Variants in ELAPOR2 observed in about 807,000 individuals in gnomAD.
ELAPOR2 encodes the protein endosome-lysosome associated apoptosis and autophagy regulator family member 2.
Under a neutral mutation model 120.7 loss-of-function variants are expected in ELAPOR2, and 89 were observed. The observed-to-expected ratio is 0.74, with a 90% CI of 0.62 to 0.88. ELAPOR2 has a LOEUF of 0.88. ELAPOR2 is among the 40% of genes least tolerant of loss of function. The probability of loss-of-function intolerance (pLI) is 0.00; values close to 1 mark genes in which losing one functional copy is unlikely to be tolerated. For missense variants in ELAPOR2, 1,134 were observed against 1,251.6 expected (o/e 0.91, Z 1.42); for synonymous variants, 444 against 444.9 (o/e 1.00, Z 0.03).
rs1795356693 is a variant in ELAPOR2 at position 87,059,242 on chromosome 7, GAAAT to G, written c.189+79_189+82del. 3 of 1,237,296 alleles carry G rather than the reference GAAAT, an allele frequency of 2.4e-6. No homozygotes were observed. In the African/African-American group the frequency reaches 4.7e-5, roughly 19 times the overall value. 76.6% of individuals were successfully genotyped at this position (1,237,296 alleles called of 1,614,324 possible). Reference sequence around the variant, plus strand: ...GCAAAGGAAAAGGGGATGGCAAACAGAAATAAACAGGAACCGCTCTCAGCCTTCA... The same window carrying G: ...GCAAAGGAAAAGGGGATGGCAAACAGAAACAGGAACCGCTCTCAGCCTTCA... On this transcript the variant is annotated intron_variant, in intron 1 of 21. Coordinates refer to ENST00000450689, the MANE Select transcript of ELAPOR2 (RefSeq NM_001142749.3).
chr7:86,912,859 C>G, intron 14 of ELAPOR2, 82 bp downstream of exon 14: 9 of 1,484,722 alleles, frequency 6.1e-6, no homozygotes, highest in Non-Finnish European at 8.3e-6. Context: ...TCATAGCTCC[C>G]AGAGAAACAT....
At chr7:86,953,093 C>CA (rs11351621) in intron 2 of ELAPOR2, among the ~76,000 whole-genome samples, 4,540 of 99,486 alleles carry the variant, frequency 0.046, 87 homozygotes, top group African/African-American at 0.073. Context: ...AAGCCTCTGT[C>CA]AAAAAAAAAA....
intron 1 of ELAPOR2, among the ~76,000 whole-genome samples, chr7:87,049,077 A>G (rs1407813365): frequency 3.3e-5 from 5 of 152,200 alleles, no homozygotes; most frequent in Non-Finnish European, 7.3e-5. Flanking sequence ...TTGAACATCT[A>G]CTAAGTGCCA....
intron 19 of ELAPOR2, among the ~76,000 whole-genome samples, chr7:86,894,214 G>T (rs1788330464): frequency 6.6e-6 from 1 of 152,034 alleles, no homozygotes. Flanking sequence ...TTAGTGACTG[G>T]ATTTTTTTGT....
intron 18 of ELAPOR2, among the ~76,000 whole-genome samples, chr7:86,905,138 A>G (rs1336351475): frequency 1.4e-5 from 2 of 140,560 alleles, no homozygotes; most frequent in African/African-American, 5.1e-5. Context: ...AAAGAAAGAA[A>G]AGAAAAGAAA....
intron 8 of ELAPOR2, among the ~76,000 whole-genome samples, chr7:86,935,363 C>G (rs1322937973): frequency 6.6e-6 from 1 of 152,090 alleles, no homozygotes; most frequent in African/African-American, 2.4e-5. Context: ...ATCCCGCTCC[C>G]TCTATCAAAA....
intron 4 of ELAPOR2, 125 bp downstream of exon 4, chr7:86,944,773 GT>G: frequency 1.6e-6 from 1 of 643,216 alleles, no homozygotes. Flanking sequence ...ACATCAAAAG[GT>G]TCAGTTAACA....
chr7:86,970,594 C>T (rs1011045895), intron 1 of ELAPOR2, among the ~76,000 whole-genome samples: 1 of 152,116 alleles, frequency 6.6e-6, no homozygotes, highest in Non-Finnish European at 1.5e-5. Flanking sequence ...AGTGTGCATG[C>T]CTCATTCTAC....
intron 21 of ELAPOR2, among the ~76,000 whole-genome samples, chr7:86,881,905 G>A (rs1799426819): frequency 6.6e-6 from 1 of 152,214 alleles, no homozygotes; most frequent in African/African-American, 2.4e-5. Context: ...AAGATAATAG[G>A]AAGTCGACAT....
At chr7:87,018,602 T>C (rs570652255) in intron 1 of ELAPOR2, among the ~76,000 whole-genome samples, 5 of 152,328 alleles carry the variant, frequency 3.3e-5, no homozygotes, top group East Asian at 3.9e-4. Context: ...TTAATACTTA[T>C]TTGATGAATG....
At chr7:86,951,404 G>T (rs773641628) in intron 2 of ELAPOR2, among the ~76,000 whole-genome samples, 7 of 152,190 alleles carry the variant, frequency 4.6e-5, no homozygotes, top group Admixed American at 2.0e-4. Context: ...ATAAAAAAGA[G>T]AAGAATTGCG....
intron 18 of ELAPOR2, among the ~76,000 whole-genome samples, chr7:86,902,014 T>C (rs1179111526): frequency 6.6e-6 from 1 of 152,228 alleles, no homozygotes; most frequent in Non-Finnish European, 1.5e-5. Context: ...GTAGTTTATA[T>C]ATACTTCTTA....
Position 86,946,157 on chromosome 7 carries a change from T to TCACACACACACACACACACA in ELAPOR2, c.507-1112_507-1111insTGTGTGTGTGTGTGTGTGTG, listed in dbSNP as rs1491424238. On this transcript the variant is annotated intron_variant, in intron 3 of 21. Transcript: ENST00000450689. ...CAAATTAAAACAAAGGGATACCATT[T>TCACACACACACACACACACA]CTCACACACACACACACACACACAC... 3.1e-3 allele frequency among the ~76,000 whole-genome samples: 341 copies of TCACACACACACACACACACA among 110,572 alleles called. 1 individual carries two copies. The highest frequency in any genetic ancestry group is 0.014 in the African/African-American group (324 of 23,956). The allele number at this position is 110,572 out of a possible 152,430, so 72.5% of individuals were successfully genotyped here.
At chr7:86,882,235 A>G (rs1420639027) in intron 21 of ELAPOR2, among the ~76,000 whole-genome samples, 1 of 152,162 alleles carries the variant, frequency 6.6e-6, no homozygotes, top group Non-Finnish European at 1.5e-5. Flanking sequence ...GACCATGACT[A>G]GACTTTAGGG....
intron 1 of ELAPOR2, among the ~76,000 whole-genome samples, chr7:87,036,698 C>A (rs1207160059): frequency 6.6e-6 from 1 of 152,064 alleles, no homozygotes. Context: ...AACCAAATAC[C>A]GTATGTTCTT....
At position 86,926,935 on chromosome 7, in the gene ELAPOR2, A is replaced by G; in HGVS notation, c.1090-19T>C. ...TCTGTGTCTACAAAAAAAAAAAAAA[A>G]AAAAAAGCAACCAAGTCATATAACA... is the stretch of plus-strand genomic sequence containing the variant. On this transcript the variant is annotated intron_variant, in intron 8 of 21. Coordinates refer to ENST00000450689, the MANE Select transcript of ELAPOR2 (RefSeq NM_001142749.3). The G allele has an allele frequency of 2.0e-6, 3 of 1,484,492 alleles. No homozygotes were observed. The highest frequency in any genetic ancestry group is 2.7e-6 in the Non-Finnish European group (3 of 1,124,130). 92.0% of individuals were successfully genotyped at this position (1,484,492 alleles called of 1,614,324 possible). A position where few individuals can be genotyped will look rare whatever the true frequency, so the allele number is the denominator to read the frequency against.
intron 1 of ELAPOR2, among the ~76,000 whole-genome samples, chr7:87,034,376 T>G (rs1794515352): frequency 6.6e-6 from 1 of 152,122 alleles, no homozygotes; most frequent in Admixed American, 6.6e-5. Flanking sequence ...AATACTAAGA[T>G]GTTAAAAGTG....
At chr7:87,050,400 T>C (rs1249987905) in intron 1 of ELAPOR2, among the ~76,000 whole-genome samples, 1 of 152,082 alleles carries the variant, frequency 6.6e-6, no homozygotes, top group African/African-American at 2.4e-5. Context: ...TCTAAAAATA[T>C]GTGGTACCTG....
In ELAPOR2 at chr7:86,944,793, C is replaced by A. The variant is rs200593289; in HGVS notation, c.654+106G>T. 1,272 of 723,102 alleles carry A rather than the reference C, an allele frequency of 1.8e-3. 7 individuals carry two copies. Among genetic ancestry groups the A allele is most frequent in the African/African-American group, 0.018 (905 of 51,518 alleles). 44.8% of individuals were successfully genotyped at this position (723,102 alleles called of 1,614,324 possible). A position where few individuals can be genotyped will look rare whatever the true frequency, so the allele number is the denominator to read the frequency against. On this transcript the variant is annotated intron_variant, in intron 4 of 21. Coordinates refer to ENST00000450689, the MANE Select transcript of ELAPOR2 (RefSeq NM_001142749.3). ...AAAAGGTTCAGTTAACACACACACA[C>A]AAAAAAAAAACTGAGGAGGAATAAA...
Sources: gnomAD v4.1 joint callset for allele counts (sites outside exome capture counted in the v4.1 genomes callset) on GRCh38, gnomAD v4.1.1 for gene constraint, MANE v1.5 for transcripts, NCBI Gene and HGNC (gene_info 2026-07-23, HGNC 2026-07-21) for gene names.